The following DCDC2C variants were observed in gnomAD, a reference collection of about 807,000 sequenced individuals.
DCDC2C encodes the protein doublecortin domain containing 2C, also known as doublecortin domain-containing protein 2C.
DCDC2C carries 44 observed loss-of-function variants against 45.0 expected under a neutral mutation model. The observed-to-expected ratio is 0.98, with a 90% CI of 0.77 to 1.26. The LOEUF is 1.26. DCDC2C is among the 50% of genes most tolerant of loss of function. The pLI, the probability that DCDC2C is intolerant of heterozygous loss-of-function variation, is 0.00. For missense variants in DCDC2C, 447 were observed against 468.9 expected (o/e 0.95, Z 0.43); for synonymous variants, 187 against 178.8 (o/e 1.05, Z -0.37).
At chr2:3,831,798 C>T (rs6738578) in intron 10 of DCDC2C, among the ~76,000 whole-genome samples, 57,428 of 151,756 alleles carry the variant, frequency 0.38, 11,165 homozygotes, top group African/African-American at 0.48. Context: ...CAGAGCGCTC[C>T]GCCTCTCTGA....
chr2:3,811,151 A>C (rs1671381235), intron 10 of DCDC2C, among the ~76,000 whole-genome samples: 1 of 152,212 alleles, frequency 6.6e-6, no homozygotes, highest in Non-Finnish European at 1.5e-5. Flanking sequence ...AGGGCATTGA[A>C]TCTATAAATT....
intron 10 of DCDC2C, among the ~76,000 whole-genome samples, chr2:3,789,690 A>G (rs1670753883): frequency 6.6e-6 from 1 of 152,220 alleles, no homozygotes; most frequent in Non-Finnish European, 1.5e-5. Flanking sequence ...ACATCTGCTT[A>G]TATGTCTCCT....
At chr2:3,789,578 C>T (rs1390902408) in intron 10 of DCDC2C, among the ~76,000 whole-genome samples, 1 of 152,148 alleles carries the variant, frequency 6.6e-6, no homozygotes, top group Non-Finnish European at 1.5e-5. Flanking sequence ...TGCCTTTTTC[C>T]AATTATCCCC....
At chr2:3,757,101 C>T (rs1304061820) in intron 6 of DCDC2C, among the ~76,000 whole-genome samples, 1 of 152,064 alleles carries the variant, frequency 6.6e-6, no homozygotes, top group Non-Finnish European at 1.5e-5. Context: ...GGGTGTGTTT[C>T]TAAGAATGAA....
intron 3 of DCDC2C, among the ~76,000 whole-genome samples, chr2:3,732,610 A>G (rs1292949521): frequency 6.6e-6 from 1 of 152,004 alleles, no homozygotes; most frequent in Non-Finnish European, 1.5e-5. Context: ...CTGATCAAGG[A>G]GTTTGAGGGG....
At chr2:3,744,680 A>G (rs1433983537) in intron 4 of DCDC2C, among the ~76,000 whole-genome samples, 1 of 152,210 alleles carries the variant, frequency 6.6e-6, no homozygotes, top group African/African-American at 2.4e-5. Context: ...GATTAAAAAC[A>G]TCCAAGAGTG....
chr2:3,827,325 G>A (rs532318615), intron 10 of DCDC2C, among the ~76,000 whole-genome samples: 64 of 152,250 alleles, frequency 4.2e-4, no homozygotes, highest in African/African-American at 1.5e-3. Context: ...GGATGGGGGT[G>A]GGGGTCCACT....
At chr2:3,705,572 G>A (rs901159039) in intron 1 of DCDC2C, among the ~76,000 whole-genome samples, 8 of 152,158 alleles carry the variant, frequency 5.3e-5, no homozygotes, top group African/African-American at 1.9e-4. Flanking sequence ...ACATTTTCTT[G>A]TAAAATTGGC....
At chr2:3,729,928 G>A (rs1423135145) in intron 3 of DCDC2C, among the ~76,000 whole-genome samples, 1 of 152,092 alleles carries the variant, frequency 6.6e-6, no homozygotes, top group Non-Finnish European at 1.5e-5. Context: ...AGTTGTCATA[G>A]GCCAGAGTTC....
intron 2 of DCDC2C, among the ~76,000 whole-genome samples, chr2:3,720,525 C>T (rs1170560497): frequency 6.6e-6 from 1 of 152,118 alleles, no homozygotes; most frequent in African/African-American, 2.4e-5. Flanking sequence ...TACTGTGAAA[C>T]AATGAAATAA....
intron 5 of DCDC2C, among the ~76,000 whole-genome samples, chr2:3,753,965 C>T (rs1353198180): frequency 2.0e-5 from 3 of 152,152 alleles, no homozygotes; most frequent in Admixed American, 2.0e-4. Flanking sequence ...GTCCTAATAG[C>T]ACAGTGAGGA....
At chr2:3,832,792 C>G (rs564493922) in intron 10 of DCDC2C, among the ~76,000 whole-genome samples, 4 of 152,180 alleles carry the variant, frequency 2.6e-5, no homozygotes, top group Admixed American at 2.0e-4. Context: ...TTCTCTCCCC[C>G]AATGTCTAGT....
At chr2:3,725,439 A>AGGAGGCTGCCAGGTGGATCCTGGAGGG (rs1558564418) in intron 2 of DCDC2C, among the ~76,000 whole-genome samples, 2 of 46,512 alleles carry the variant, frequency 4.3e-5, no homozygotes, top group East Asian at 9.1e-4. Context: ...ATCCCAGAGG[A>AGGAGGCTGCCAGGTGGATCCTGGAGGG]AGACGAGCAG....
intron 10 of DCDC2C, among the ~76,000 whole-genome samples, chr2:3,842,378 G>A (rs1363456889): frequency 1.3e-5 from 2 of 151,980 alleles, no homozygotes; most frequent in East Asian, 1.9e-4. Flanking sequence ...TAAAGGAGAG[G>A]ACTGCGAAAA....
intron 10 of DCDC2C, among the ~76,000 whole-genome samples, chr2:3,828,560 C>T (rs115699554): frequency 1.5e-3 from 231 of 152,340 alleles, no homozygotes; most frequent in Admixed American, 4.2e-3. Flanking sequence ...TGCTGCATTA[C>T]ACAGGGCTGT....
At chr2:3,753,382 T>C (rs533843356) in intron 5 of DCDC2C, among the ~76,000 whole-genome samples, 36 of 152,324 alleles carry the variant, frequency 2.4e-4, no homozygotes, top group African/African-American at 7.5e-4. Context: ...TGTGTGTTTA[T>C]GGACATGAAG....
At chr2:3,773,917 C>T (rs923267406) in intron 8 of DCDC2C, among the ~76,000 whole-genome samples, 19 of 152,160 alleles carry the variant, frequency 1.2e-4, no homozygotes, top group African/African-American at 4.6e-4. Context: ...TTCTAAAATC[C>T]AGTTATTTTT....
intron 10 of DCDC2C, among the ~76,000 whole-genome samples, chr2:3,843,413 G>T (rs1277112696): frequency 6.6e-6 from 1 of 152,164 alleles, no homozygotes; most frequent in Non-Finnish European, 1.5e-5. Context: ...TCAGCTGAGC[G>T]ACCTGGCCCC....
At chr2:3,751,139 G>A (rs1669530873) in intron 4 of DCDC2C, among the ~76,000 whole-genome samples, 1 of 152,198 alleles carries the variant, frequency 6.6e-6, no homozygotes, top group South Asian at 2.1e-4. Context: ...ATTTGTATGT[G>A]AATTCTTGGT....
Sources: allele counts gnomAD v4.1 joint callset (sites outside exome capture counted in the v4.1 genomes callset), GRCh38; gene constraint gnomAD v4.1.1; transcripts MANE v1.5; gene names NCBI Gene and HGNC (gene_info 2026-07-23, HGNC 2026-07-21).